Variants in NOXA1 observed in about 807,000 individuals in gnomAD.
NOXA1 encodes the protein NADPH oxidase activator 1.
Under a neutral mutation model 64.8 loss-of-function variants are expected in NOXA1, and 56 were observed. The ratio of observed to expected loss-of-function variants is 0.86; its 90% CI spans 0.70 to 1.08. NOXA1 has a LOEUF of 1.08. Among genes scored for constraint, NOXA1 ranks in the 50% least tolerant of loss-of-function variants. NOXA1 has a pLI of 0.00. For synonymous variants in NOXA1, 295 were observed against 294.8 expected, an observed-to-expected ratio of 1.00 and a Z score of -0.01; for missense variants, 668 against 658.5, an observed-to-expected ratio of 1.01 and a Z score of -0.16.
chr9:137,430,486 C>T (rs1839065736), intron 5 of NOXA1, among the ~76,000 whole-genome samples: 2 of 152,268 alleles, frequency 1.3e-5, no homozygotes, highest in African/African-American at 4.8e-5. Context: ...GTGGGCGAAG[C>T]CGGGCTCTGA....
rs1046019085 is a variant in NOXA1, at chr9:137,433,841, A to G, written c.1156A>G (p.Arg386Gly). 6.9e-7 allele frequency: 1 copy of G among 1,450,994 alleles called. No homozygotes were observed. Among genetic ancestry groups the G allele is most frequent in the Non-Finnish European group, 9.1e-7 (1 of 1,099,208 alleles). 89.9% of individuals were successfully genotyped at this position (1,450,994 alleles called of 1,614,324 possible). ...RAWQDAAACPRGLQLQCRGAG... is the reference protein window; with the variant it reads ...RAWQDAAACPGGLQLQCRGAG... Reference sequence around the variant, plus strand: ...CTGGCAGGACGCAGCTGCCTGCCCCAGGGGGCTGCAGCTGCAGTGCAGGGT... The same window carrying G: ...CTGGCAGGACGCAGCTGCCTGCCCCGGGGGGCTGCAGCTGCAGTGCAGGGT... The change falls in exon 12 of 14, where the codon AGG becomes GGG. Residue 386 changes from arginine to glycine, a missense_variant. By Grantham distance (125) the Arg-to-Gly change is moderately radical (BLOSUM62 -2). Transcript: ENST00000683555.
chr9:137,430,468 G>A (rs993597410), intron 5 of NOXA1, among the ~76,000 whole-genome samples: 2 of 152,250 alleles, frequency 1.3e-5, no homozygotes, highest in African/African-American at 2.4e-5. Context: ...CAGCAGGGGA[G>A]GCCTGGGGTG....
rs756087626 is a variant in NOXA1 at position 137,434,000 on chromosome 9, G to A, written c.1215G>A (p.Val405=). ...GTCGGCCGGTCCTCTACCAGGTGGT[G>A]GCCCAGCACAGCTACTCCGCCCAGG... is the stretch of plus-strand genomic sequence containing the variant. The part of the protein sequence containing the change: ...AGGRPVLYQV[V]AQHSYSAQGP... The change falls in exon 13 of 14, where the codon GTG becomes GTA. Residue 405 remains valine, a synonymous_variant. Coordinates refer to ENST00000683555, the MANE Select transcript of NOXA1 (RefSeq NM_001256067.2). 9.6e-6 allele frequency: 15 copies of A among 1,564,764 alleles called. No individual in the cohort carries two copies. The South Asian group carries it at 1.7e-4, about 18-fold the overall frequency.
At position 137,430,835 on chromosome 9, in the gene NOXA1, C is replaced by A. The variant is rs1224655701; in HGVS notation, c.664C>A (p.Gln222Lys). 1 of 1,587,744 alleles carries A rather than the reference C, an allele frequency of 6.3e-7. No homozygotes were observed. The change falls in exon 6 of 14, where the codon CAG becomes AAG. Residue 222 changes from glutamine (Q) to lysine (K), a missense_variant. Physicochemically the swap from Gln to Lys is moderately conservative, Grantham distance 53. Transcript: ENST00000683555. ...DDQGWGVRPQ[Q>K]PQGPGANHDA... is the part of the protein sequence containing the mutation. ...CCAGGGCTGGGGCGTCCGCCCTCAG[C>A]AGCCACAGGTGGGTTTGCGGCCCCT... is the stretch of plus-strand genomic sequence containing the variant.
intron 8 of NOXA1, among the ~76,000 whole-genome samples, chr9:137,432,378 G>A (rs930832674): frequency 1.3e-5 from 2 of 151,796 alleles, no homozygotes; most frequent in Admixed American, 1.3e-4. Flanking sequence ...AGGAGATCGA[G>A]ACCATCCCGG....
In NOXA1 at chr9:137,434,084, G is replaced by A. The variant is rs767025397; in HGVS notation, c.1294+5G>A. The A allele has an allele frequency of 6.3e-7, 1 of 1,584,392 alleles. No homozygotes were observed. Among genetic ancestry groups the A allele is most frequent in the Non-Finnish European group, 8.5e-7 (1 of 1,169,846 alleles). ...CGGTGGACGTCCTGTGTGAAGGTAG[G>A]GTGGGCATGGCCCTTCCCAGGCAGC... On this transcript the variant is annotated splice_donor_5th_base_variant and intron_variant, in intron 13 of 13. Transcript: ENST00000683555.
At position 137,434,165 on chromosome 9, in the gene NOXA1, G is replaced by T. The variant is rs776072204; in HGVS notation, c.1295-59G>T. On this transcript the variant is annotated intron_variant, in intron 13 of 13. Coordinates refer to ENST00000683555, the MANE Select transcript of NOXA1 (RefSeq NM_001256067.2). ...AGCTCGGCCTGTGCTGTGAGCAGACGTGGCACCCAGAGGCCACGCCTGGGT... is the reference window on the plus strand; with the variant it reads ...AGCTCGGCCTGTGCTGTGAGCAGACTTGGCACCCAGAGGCCACGCCTGGGT... 38 of 1,582,022 alleles carry T rather than the reference G, an allele frequency of 2.4e-5. No individual in the cohort carries two copies. The Middle Eastern group carries it at 6.7e-4, about 28-fold the overall frequency.
At position 137,429,324 on chromosome 9, in the gene NOXA1, C is replaced by T. The variant is rs755916333; in HGVS notation, c.553C>T (p.Arg185Trp). 3.2e-5 allele frequency: 50 copies of T among 1,580,854 alleles called. No homozygotes were observed. In the Middle Eastern group the frequency reaches 6.6e-4, roughly 21 times the overall value. The stretch of plus-strand genomic sequence containing the variant: ...GCAGGTCCCCAGGGGCGAGGTCTTC[C>T]GGCCCCACCGGTGGCACCTGAAGCA... ...PRQVPRGEVF[R>W]PHRWHLKHLE... The change falls in exon 5 of 14, where the codon CGG (arginine) becomes TGG (tryptophan). Residue 185 changes from arginine to tryptophan, a missense_variant. Arg to Trp is a moderately radical substitution (Grantham distance 101). Coordinates refer to ENST00000683555, the MANE Select transcript of NOXA1 (RefSeq NM_001256067.2).
chr9:137,426,600 C>T (rs1169607100), intron 2 of NOXA1, among the ~76,000 whole-genome samples: 1 of 152,168 alleles, frequency 6.6e-6, no homozygotes, highest in Non-Finnish European at 1.5e-5. Context: ...AGGAGACCAT[C>T]GGGACTGCAG....
Position 137,428,971 on chromosome 9 carries a change from G to A in NOXA1, c.459G>A (p.Pro153=), listed in dbSNP as rs774544574. 9 of 1,599,038 alleles carry A rather than the reference G, an allele frequency of 5.6e-6. No homozygotes were observed. Among genetic ancestry groups the A allele is most frequent in the South Asian group, 2.3e-5 (2 of 88,466 alleles). ...SSLREAMSKW[P]EGSLNGLDSA... is the part of the protein sequence containing the mutation. ...TAAGGGAGGCCATGTCCAAGTGGCC[G>A]GAGGGGTCCCTGAATGGCCTGGACT... The change falls in exon 4 of 14, where the codon CCG becomes CCA. Residue 153 remains proline, a synonymous_variant. Transcript: ENST00000683555.
intron 8 of NOXA1, among the ~76,000 whole-genome samples, chr9:137,432,610 G>A (rs1588469672): frequency 5.9e-5 from 9 of 152,206 alleles, no homozygotes; most frequent in Admixed American, 5.9e-4. Flanking sequence ...GACCCTCAGG[G>A]TCTAGCCAGC....
rs576808354 is a variant in NOXA1 at position 137,431,936 on chromosome 9, C to T, written c.804+595C>T. Reference sequence around the variant, plus strand: ...TGAGGATGCGATCAGGAAGCAGCCCCGGCACTCTCTCTTTATGGATGCCCA... The same window carrying T: ...TGAGGATGCGATCAGGAAGCAGCCCTGGCACTCTCTCTTTATGGATGCCCA... On this transcript the variant is annotated intron_variant, in intron 8 of 13. Transcript: ENST00000683555. The surrounding 1 kb of genome is among the most constrained non-coding windows in gnomAD (Gnocchi z 5.6). 1.8e-4 allele frequency among the ~76,000 whole-genome samples: 28 copies of T among 152,214 alleles called. 1 individual carries two copies. Among genetic ancestry groups the T allele is most frequent in the East Asian group, 1.3e-3 (7 of 5,190 alleles).
intron 1 of NOXA1, among the ~76,000 whole-genome samples, chr9:137,425,326 C>T (rs1487286580): frequency 6.6e-6 from 1 of 152,190 alleles, no homozygotes; most frequent in East Asian, 1.9e-4. Flanking sequence ...GTGTGTTGTT[C>T]TTTCTGATTC....
At position 137,430,825 on chromosome 9, in the gene NOXA1, C is replaced by A. The variant is rs1411921385; in HGVS notation, c.654C>A (p.Val218=). Reference sequence around the variant, plus strand: ...TCCCCGACGACCAGGGCTGGGGCGTCCGCCCTCAGCAGCCACAGGTGGGTT... The same window carrying A: ...TCCCCGACGACCAGGGCTGGGGCGTACGCCCTCAGCAGCCACAGGTGGGTT... The part of the protein sequence containing the change: ...SAIPDDQGWG[V]RPQQPQGPGA... The change falls in exon 6 of 14, where the codon GTC becomes GTA. Residue 218 remains valine, a synonymous_variant. Coordinates refer to ENST00000683555, the MANE Select transcript of NOXA1 (RefSeq NM_001256067.2). The A allele has an allele frequency of 6.3e-7, 1 of 1,589,336 alleles. No individual in the cohort carries two copies. Among genetic ancestry groups the A allele is most frequent in the East Asian group, 2.2e-5 (1 of 44,546 alleles).
intron 2 of NOXA1, among the ~76,000 whole-genome samples, chr9:137,426,860 G>A (rs1478577214): frequency 2.6e-5 from 4 of 152,178 alleles, no homozygotes; most frequent in Admixed American, 6.5e-5. Context: ...GCAATTGTGC[G>A]ATCTCGGCTC....
At chr9:137,432,347 A>G (rs1222727246) in intron 8 of NOXA1, among the ~76,000 whole-genome samples, 1 of 151,210 alleles carries the variant, frequency 6.6e-6, no homozygotes, top group East Asian at 2.0e-4. Flanking sequence ...TGGGAGGCCT[A>G]GGCAGGCGGA....
At chr9:137,428,463 G>A (rs73565567) in intron 3 of NOXA1, among the ~76,000 whole-genome samples, 2 of 151,834 alleles carry the variant, frequency 1.3e-5, no homozygotes, top group African/African-American at 4.8e-5. Flanking sequence ...TGCCTGGAAC[G>A]TGTTGGCACC....
In NOXA1 at chr9:137,431,443, C is replaced by A; in HGVS notation, c.804+102C>A. On this transcript the variant is annotated intron_variant, in intron 8 of 13. Transcript: ENST00000683555. The surrounding 1 kb of genome is among the most constrained non-coding windows in gnomAD (Gnocchi z 5.6). ...ACCAACATGAGGGTGGAGGGAGCAG[C>A]TCGCTGGGGGGTAGACGGGGCCGGG... is the stretch of plus-strand genomic sequence containing the variant. 1.0e-6 allele frequency: 1 copy of A among 999,996 alleles called. No individual in the cohort carries two copies. The highest frequency in any genetic ancestry group is 1.5e-6 in the Non-Finnish European group (1 of 661,100). 61.9% of individuals were successfully genotyped at this position (999,996 alleles called of 1,614,324 possible).
chr9:137,428,755 A>T, intron 3 of NOXA1, 127 bp from the exon 4 acceptor site: 3 of 391,470 alleles, frequency 7.7e-6, no homozygotes, highest in Non-Finnish European at 1.0e-5. Context: ...GGGATGGGGG[A>T]GGGGCCAGGT....
Sources: allele counts gnomAD v4.1 joint callset (sites outside exome capture counted in the v4.1 genomes callset), GRCh38; gene constraint gnomAD v4.1.1; non-coding constraint Gnocchi (gnomAD v3.1); transcripts MANE v1.5; gene names NCBI Gene and HGNC (gene_info 2026-07-23, HGNC 2026-07-21).